Variants in ZC3H12B observed in about 807,000 individuals in gnomAD.
The protein encoded by ZC3H12B is probable ribonuclease ZC3H12B.
Under a neutral mutation model 43.9 loss-of-function variants are expected in ZC3H12B, and 7 were observed. That is an observed-to-expected ratio of 0.16 (90% CI 0.09 to 0.30). The LOEUF (loss-of-function observed/expected upper bound fraction) is 0.30. Ranked by LOEUF, ZC3H12B falls within the 10% of genes least tolerant of loss-of-function variation. The pLI is 1.00. For missense variants in ZC3H12B, 475 were observed against 670.2 expected (o/e 0.71, Z 3.22); for synonymous variants, 222 against 241.7 (o/e 0.92, Z 0.76).
chrX:65,043,083 G>T, the ZC3H12B span, among the ~76,000 whole-genome samples: 1 of 111,209 alleles, frequency 9.0e-6, no homozygotes, highest in African/African-American at 3.3e-5. Context: ...ACATAGGTTG[G>T]GCTATATGTC....
the ZC3H12B span, among the ~76,000 whole-genome samples, chrX:65,186,917 C>A: frequency 8.9e-6 from 1 of 111,923 alleles, no homozygotes; most frequent in Non-Finnish European, 1.9e-5. Flanking sequence ...ACCACATTTT[C>A]TTTATCCACT....
the ZC3H12B span, among the ~76,000 whole-genome samples, chrX:65,158,946 T>C: frequency 8.9e-6 from 1 of 112,243 alleles, no homozygotes; most frequent in East Asian, 2.8e-4. Context: ...AATAAATTTT[T>C]GTATAAGGTG....
the ZC3H12B span, among the ~76,000 whole-genome samples, chrX:65,150,573 G>A: frequency 9.1e-6 from 1 of 110,061 alleles, no homozygotes; most frequent in Non-Finnish European, 1.9e-5. Context: ...CCACTTATGA[G>A]TGAGAACATG....
chrX:65,364,388 T>C (rs1466040493), upstream of ZC3H12B, among the ~76,000 whole-genome samples: 1 of 106,940 alleles, frequency 9.4e-6, no homozygotes, highest in African/African-American at 3.4e-5. Flanking sequence ...ATAAAAACTC[T>C]TCTCAAGGTA....
chrX:65,116,194 A>G, the ZC3H12B span, among the ~76,000 whole-genome samples: 1 of 111,637 alleles, frequency 9.0e-6, no homozygotes, highest in Non-Finnish European at 1.9e-5. Flanking sequence ...CTTAGATTTA[A>G]GTCTTTGAGC....
chrX:65,292,437 G>A, the ZC3H12B span, among the ~76,000 whole-genome samples: 2 of 110,677 alleles, frequency 1.8e-5, no homozygotes, highest in African/African-American at 6.6e-5. Context: ...GAGAACACAT[G>A]GATACATAGA....
At chrX:65,085,229 C>G in the ZC3H12B span, among the ~76,000 whole-genome samples, 10 of 111,326 alleles carry the variant, frequency 9.0e-5, no homozygotes, top group East Asian at 2.8e-3. Flanking sequence ...TGAATAATAA[C>G]TTAAGTGTAC....
the ZC3H12B span, among the ~76,000 whole-genome samples, chrX:65,230,100 G>T: frequency 1.4e-4 from 15 of 110,967 alleles, no homozygotes; most frequent in Admixed American, 1.3e-3. Flanking sequence ...GTTTATTGCG[G>T]CACTATTCAC....
At chrX:65,235,558 G>A in the ZC3H12B span, among the ~76,000 whole-genome samples, 75 of 110,939 alleles carry the variant, frequency 6.8e-4, no homozygotes, top group South Asian at 4.2e-3. Flanking sequence ...ACTCAGCCTG[G>A]CAGGCTGAGT....
At chrX:65,472,334 A>G (rs892450686) in intron 3 of ZC3H12B, among the ~76,000 whole-genome samples, 7 of 110,187 alleles carry the variant, frequency 6.4e-5, no homozygotes, top group African/African-American at 2.0e-4. Flanking sequence ...CCTTTTCTTT[A>G]GGTTGCCTTT....
At chrX:65,371,938 C>G (rs946579611) in intron 2 of ZC3H12B, among the ~76,000 whole-genome samples, 2 of 111,243 alleles carry the variant, frequency 1.8e-5, no homozygotes, top group Non-Finnish European at 3.8e-5. Context: ...AACCTCCAAC[C>G]AAAAGTAATT....
chrX:65,311,434 C>T, the ZC3H12B span, among the ~76,000 whole-genome samples: 2 of 112,008 alleles, frequency 1.8e-5, no homozygotes, highest in African/African-American at 6.5e-5. Context: ...CAAATCAAAA[C>T]CACAATGAGA....
the ZC3H12B span, among the ~76,000 whole-genome samples, chrX:65,155,579 A>C: frequency 8.9e-6 from 1 of 111,931 alleles, no homozygotes; most frequent in African/African-American, 3.2e-5. Context: ...GGAGCCAGGC[A>C]TGATGGCTTA....
the ZC3H12B span, among the ~76,000 whole-genome samples, chrX:65,153,833 A>T: frequency 7.2e-5 from 8 of 110,914 alleles, no homozygotes; most frequent in Non-Finnish European, 1.1e-4. Flanking sequence ...ACCAACCCAA[A>T]TGTCCAACAA....
the ZC3H12B span, among the ~76,000 whole-genome samples, chrX:65,161,728 A>T: frequency 2.3e-3 from 253 of 112,001 alleles, 1 homozygote; most frequent in African/African-American, 6.9e-3. Context: ...TTTGCCAGTC[A>T]GTGTCTTTTA....
At chrX:65,386,421 AGTTT>A (rs1390704841) in intron 2 of ZC3H12B, among the ~76,000 whole-genome samples, 1 of 111,357 alleles carries the variant, frequency 9.0e-6, no homozygotes, top group Non-Finnish European at 1.9e-5. Flanking sequence ...TGGATTTTCT[AGTTT>A]GTTTGCGTAG....
chrX:65,216,703 G>T, the ZC3H12B span, among the ~76,000 whole-genome samples: 2 of 111,695 alleles, frequency 1.8e-5, no homozygotes, highest in Non-Finnish European at 3.8e-5. Context: ...GACTCCTTCA[G>T]CCTGAGGAAA....
the ZC3H12B span, among the ~76,000 whole-genome samples, chrX:65,064,247 G>T: frequency 1.4e-4 from 16 of 111,563 alleles, no homozygotes; most frequent in East Asian, 4.5e-3. Context: ...TGATGTTAGG[G>T]TGTTGATTTT....
chrX:65,495,761 A>C (rs1274288455), intron 1 of ZC3H12B, among the ~76,000 whole-genome samples: 3 of 112,450 alleles, frequency 2.7e-5, no homozygotes, highest in African/African-American at 9.7e-5. Context: ...TTTCTATTTA[A>C]ATGAATTCTG....
Sources: gnomAD v4.1 joint callset for allele counts (sites outside exome capture counted in the v4.1 genomes callset) on GRCh38, gnomAD v4.1.1 for gene constraint, MANE v1.5 for transcripts, NCBI Gene and HGNC (gene_info 2026-07-23, HGNC 2026-07-21) for gene names.